CD80: variants seen among roughly 807,000 people sequenced by gnomAD.
CD80 encodes T-lymphocyte activation antigen CD80.
In CD80, 13 loss-of-function variants were observed where a neutral mutation model predicts 27.1. That is an observed-to-expected ratio of 0.48 (90% CI 0.31 to 0.76). The LOEUF (loss-of-function observed/expected upper bound fraction) is 0.76, where lower values mean the gene tolerates loss of function less well. CD80 is among the 30% of genes least tolerant of loss of function. The pLI is 0.04. For missense variants in CD80, 277 were observed against 347.9 expected, an observed-to-expected ratio of 0.80 and a Z score of 1.62; for synonymous variants, 125 against 125.5, an observed-to-expected ratio of 1.00 and a Z score of 0.03.
chr3:119,531,799 G>A (rs2082113260), intron 4 of CD80, among the ~76,000 whole-genome samples: 1 of 152,072 alleles, frequency 6.6e-6, no homozygotes, highest in South Asian at 2.1e-4. Flanking sequence ...GAGTAGCTGG[G>A]ATTACAGGGG....
At chr3:119,552,176 C>T (rs2082236327) in intron 2 of CD80, among the ~76,000 whole-genome samples, 1 of 152,198 alleles carries the variant, frequency 6.6e-6, no homozygotes, top group Admixed American at 6.5e-5. Flanking sequence ...AGAGTAGAGA[C>T]CAAGAATTTT....
intron 4 of CD80, among the ~76,000 whole-genome samples, chr3:119,531,062 T>G (rs1180183856): frequency 6.6e-6 from 1 of 152,268 alleles, no homozygotes; most frequent in Non-Finnish European, 1.5e-5. Flanking sequence ...GTTCTGGGTT[T>G]ACACCTTACT....
chr3:119,538,201 T>C (rs2082149762), intron 3 of CD80, among the ~76,000 whole-genome samples: 3 of 152,214 alleles, frequency 2.0e-5, no homozygotes, highest in African/African-American at 7.2e-5. Flanking sequence ...CAAACTGAGG[T>C]TTAGAGAAAT....
chr3:119,552,638 C>A (rs1440724066), intron 2 of CD80, among the ~76,000 whole-genome samples: 1 of 151,602 alleles, frequency 6.6e-6, no homozygotes, highest in Non-Finnish European at 1.5e-5. Context: ...GAAATCGAGA[C>A]CAGCCTAGGC....
At chr3:119,531,262 G>A (rs1037376250) in intron 4 of CD80, among the ~76,000 whole-genome samples, 2 of 152,112 alleles carry the variant, frequency 1.3e-5, no homozygotes, top group South Asian at 2.1e-4. Context: ...TTATCTTCTC[G>A]GCAGCATATA....
rs948940920 is a variant in CD80, at chr3:119,524,426, T to C, written c.*1362A>G. 4.6e-5 allele frequency: 7 copies of C among 152,216 alleles called. No homozygotes were observed. The highest frequency in any genetic ancestry group is 7.2e-5 in the African/African-American group (3 of 41,444). 9.4% of individuals were successfully genotyped at this position (152,216 alleles called of 1,614,324 possible). A position where few individuals can be genotyped will look rare whatever the true frequency, so the allele number is the denominator to read the frequency against. ...TACTAAATGGAAAAGAAAAGAATTA[T>C]TGAGTTAAGTATTCCTGTCAATACG... On this transcript the variant is annotated 3_prime_UTR_variant, in exon 7 of 7. Transcript: ENST00000264246.
rs1373205213 is a variant in CD80, at chr3:119,524,565, T to G, written c.*1223A>C. On this transcript the variant is annotated 3_prime_UTR_variant, in exon 7 of 7. Coordinates refer to ENST00000264246, the MANE Select transcript of CD80 (RefSeq NM_005191.4). The stretch of plus-strand genomic sequence containing the variant: ...CAGCATAGTGAGGTAGCTAAAGCCA[T>G]GGGCTGGCTCTAAAGGCTTTAAATC... The G allele has an allele frequency of 1.3e-5, 2 of 152,258 alleles. No individual in the cohort carries two copies. The highest frequency in any genetic ancestry group is 2.9e-5 in the Non-Finnish European group (2 of 68,046). The allele number at this position is 152,258 out of a possible 1,614,324, so 9.4% of individuals were successfully genotyped here.
In CD80 at chr3:119,545,169, C is replaced by T. The variant is rs192152350; in HGVS notation, c.101-302G>A. Among the ~76,000 whole-genome samples, 6 of 152,254 alleles carry T rather than the reference C, an allele frequency of 3.9e-5. No individual in the cohort carries two copies. In the East Asian group the frequency reaches 9.7e-4, roughly 25 times the overall value. On this transcript the variant is annotated intron_variant, in intron 2 of 6. Transcript: ENST00000264246. ...GACCAGCCGGGCCAACATGGTGAAA[C>T]TCTGTCTCTACTAAAAATACAAAAA...
At chr3:119,526,526 G>T (rs918676006) in intron 6 of CD80, among the ~76,000 whole-genome samples, 1 of 152,146 alleles carries the variant, frequency 6.6e-6, no homozygotes. Flanking sequence ...TGTGTAGGCT[G>T]CCAGGTTGTA....
Position 119,557,912 on chromosome 3 carries a change from G to A in CD80, c.-184C>T, listed in dbSNP as rs1280102802. 4 of 412,704 alleles carry A rather than the reference G, an allele frequency of 9.7e-6. No homozygotes were observed. In the Admixed American group the frequency reaches 1.3e-4, roughly 13 times the overall value. 25.6% of individuals were successfully genotyped at this position (412,704 alleles called of 1,614,324 possible). On this transcript the variant is annotated 5_prime_UTR_variant, in exon 2 of 7. Coordinates refer to ENST00000264246, the MANE Select transcript of CD80 (RefSeq NM_005191.4). Reference sequence around the variant, plus strand: ...GTGTTCCTGGGTCTCCAAAGGTTGTGGATTTAGTTTCACAGCCTGAAAAAG... The same window carrying A: ...GTGTTCCTGGGTCTCCAAAGGTTGTAGATTTAGTTTCACAGCCTGAAAAAG...
chr3:119,535,056 G>C (rs2082129518), intron 4 of CD80, among the ~76,000 whole-genome samples: 1 of 152,094 alleles, frequency 6.6e-6, no homozygotes, highest in South Asian at 2.1e-4. Context: ...TCTGTGTGTG[G>C]TGGCTGGCAC....
chr3:119,531,695 G>A (rs1355353706), intron 4 of CD80, among the ~76,000 whole-genome samples: 1 of 151,742 alleles, frequency 6.6e-6, no homozygotes, highest in Non-Finnish European at 1.5e-5. Flanking sequence ...CTTTCACTGT[G>A]TTTCCCAGGC....
chr3:119,558,500 C>T (rs1285237590), intron 1 of CD80, among the ~76,000 whole-genome samples: 1 of 152,170 alleles, frequency 6.6e-6, no homozygotes, highest in Non-Finnish European at 1.5e-5. Context: ...TGGTGGCTCA[C>T]GCCTGTAATC....
intron 4 of CD80, 79 bp downstream of exon 4, chr3:119,537,058 T>A: frequency 8.0e-7 from 1 of 1,244,204 alleles, no homozygotes. Context: ...TCAAAATGTA[T>A]CCACATCATT....
chr3:119,535,367 A>G (rs1487816427), intron 4 of CD80, among the ~76,000 whole-genome samples: 1 of 152,210 alleles, frequency 6.6e-6, no homozygotes, highest in Admixed American at 6.5e-5. Flanking sequence ...GTGCAACTGT[A>G]TTATCAAACT....
At chr3:119,530,120 G>T (rs2629396) in intron 4 of CD80, among the ~76,000 whole-genome samples, 183 bp from the exon 5 acceptor site, 103,778 of 152,068 alleles carry the variant, frequency 0.68, 36,697 homozygotes, top group African/African-American at 0.89. Flanking sequence ...GCAACTAATA[G>T]TCAGATGTCA....
intron 2 of CD80, among the ~76,000 whole-genome samples, chr3:119,555,155 G>A (rs1240492161): frequency 2.0e-5 from 3 of 152,080 alleles, no homozygotes; most frequent in South Asian, 2.1e-4. Flanking sequence ...AAAATTGAAT[G>A]TAAAGTAACC....
chr3:119,536,148 G>A (rs765091971), intron 4 of CD80, among the ~76,000 whole-genome samples: 124 of 151,970 alleles, frequency 8.2e-4, no homozygotes, highest in Non-Finnish European at 1.6e-3. Context: ...CTATTCGGGA[G>A]GCTGAGGCAG....
chr3:119,536,782 TC>T (rs2082140497), intron 4 of CD80, among the ~76,000 whole-genome samples: 1 of 152,246 alleles, frequency 6.6e-6, no homozygotes, highest in African/African-American at 2.4e-5. Flanking sequence ...TCAATGGCAT[TC>T]TGCATATATG....
Sources: gnomAD v4.1 joint callset for allele counts (sites outside exome capture counted in the v4.1 genomes callset) on GRCh38, gnomAD v4.1.1 for gene constraint, MANE v1.5 for transcripts, NCBI Gene and HGNC (gene_info 2026-07-23, HGNC 2026-07-21) for gene names.